The following WDR45B variants were observed in gnomAD, a reference collection of about 807,000 sequenced individuals.
WDR45B encodes the protein WD repeat domain 45B.
In WDR45B, 20 loss-of-function variants were observed where a neutral mutation model predicts 44.6. The ratio of observed to expected loss-of-function variants is 0.45; its 90% CI spans 0.32 to 0.65. The LOEUF (loss-of-function observed/expected upper bound fraction) is 0.65. Ranked by LOEUF, WDR45B falls within the 30% of genes least tolerant of loss-of-function variation. The pLI is 0.05. For missense variants in WDR45B, 323 were observed against 430.2 expected, an observed-to-expected ratio of 0.75 and a Z score of 2.20; for synonymous variants, 169 against 164.9, an observed-to-expected ratio of 1.02 and a Z score of -0.19.
At chr17:82,641,175 C>G (rs1487399147) in intron 2 of WDR45B, among the ~76,000 whole-genome samples, 3 of 152,098 alleles carry the variant, frequency 2.0e-5, no homozygotes, top group African/African-American at 7.2e-5. Context: ...CCGTGTTGCC[C>G]AGGCTGGTCT....
At chr17:82,644,247 G>A (rs1007298973) in intron 1 of WDR45B, 5 of 583,662 alleles carry the variant, frequency 8.6e-6, no homozygotes, top group Non-Finnish European at 1.5e-5. Flanking sequence ...TCTTGGAGTT[G>A]TTCACACAAC....
Position 82,629,061 on chromosome 17 carries a change from A to C in WDR45B, c.245-1770T>G, listed in dbSNP as rs1302238618. 3.3e-5 allele frequency among the ~76,000 whole-genome samples: 5 copies of C among 152,280 alleles called. No individual in the cohort carries two copies. The East Asian group carries it at 5.8e-4, about 18-fold the overall frequency. ...AAAAAGTACCTTTAAACGCTACAAA[A>C]AGTACATTTACTCAAAAACCTGCTG... On this transcript the variant is annotated intron_variant, in intron 3 of 9. Transcript: ENST00000392325.
At chr17:82,642,339 C>T (rs567292589) in intron 2 of WDR45B, among the ~76,000 whole-genome samples, 11 of 152,342 alleles carry the variant, frequency 7.2e-5, no homozygotes, top group African/African-American at 2.4e-4. Context: ...AGGCTGCACG[C>T]TCCTCCTGAG....
chr17:82,616,632 T>A lies in WDR45B; in HGVS notation c.820A>T (p.Ser274Cys). The change falls in exon 9 of 10, where the codon AGT becomes TGT. Residue 274 changes from serine to cysteine, a missense_variant. Physicochemically the swap from Ser to Cys is moderately radical, Grantham distance 112. Coordinates refer to ENST00000392325, the MANE Select transcript of WDR45B (RefSeq NM_019613.4). Reference sequence around the variant, plus strand: ...GAACTGAAGTATTTTGGAAGGAAACTGGCTGAGGCCAAACTGTGAAGACAA... The same window carrying A: ...GAACTGAAGTATTTTGGAAGGAAACAGGCTGAGGCCAAACTGTGAAGACAA... ...RNKQSSLASA[S>C]FLPKYFSSKW... is the part of the protein sequence containing the mutation. 1 of 1,614,178 alleles carries A rather than the reference T, an allele frequency of 6.2e-7. No individual in the cohort carries two copies. Among genetic ancestry groups the A allele is most frequent in the South Asian group, 1.1e-5 (1 of 91,078 alleles).
intron 2 of WDR45B, among the ~76,000 whole-genome samples, chr17:82,632,474 C>G (rs1289829012): frequency 6.6e-6 from 1 of 152,112 alleles, no homozygotes; most frequent in African/African-American, 2.4e-5. Context: ...GAAATGCTCC[C>G]AACTGTTCAT....
chr17:82,638,699 T>A (rs1184280594), intron 2 of WDR45B, among the ~76,000 whole-genome samples: 10 of 152,072 alleles, frequency 6.6e-5, no homozygotes, highest in Admixed American at 6.5e-4. Flanking sequence ...AGTCCCTGTT[T>A]CTCGTTCCTA....
rs1341887195 is a variant in WDR45B, at chr17:82,614,966, G to T, written c.*953C>A. ...CTTACAAATGAGGGGAGGGGAGACG[G>T]TGGACCTGGGGGCTCGGAGGCCAGA... On this transcript the variant is annotated 3_prime_UTR_variant, in exon 10 of 10. Transcript: ENST00000392325. The T allele has an allele frequency of 6.6e-6, 1 of 152,206 alleles. No individual in the cohort carries two copies. The highest frequency in any genetic ancestry group is 2.1e-4 in the South Asian group (1 of 4,832). 9.4% of individuals were successfully genotyped at this position (152,206 alleles called of 1,614,324 possible). A position where few individuals can be genotyped will look rare whatever the true frequency, so the allele number is the denominator to read the frequency against.
intron 2 of WDR45B, among the ~76,000 whole-genome samples, chr17:82,633,139 G>A (rs540725043): frequency 5.5e-5 from 8 of 146,668 alleles, no homozygotes; most frequent in Admixed American, 4.9e-4. Flanking sequence ...CTCCAGCCTG[G>A]GCGAAGGAGG....
Position 82,634,194 on chromosome 17 carries a change from A to G in WDR45B, c.143-3172T>C, listed in dbSNP as rs527445765. On this transcript the variant is annotated intron_variant, in intron 2 of 9. Coordinates refer to ENST00000392325, the MANE Select transcript of WDR45B (RefSeq NM_019613.4). ...AAAAAAGGCTGATTTTTATAAATCA[A>G]AAAGTTACCAAATGACCAGATGCAG... Among the ~76,000 whole-genome samples, 112 of 145,484 alleles carry G rather than the reference A, an allele frequency of 7.7e-4. 1 individual carries two copies. Among genetic ancestry groups the G allele is most frequent in the Admixed American group, 7.0e-4 (10 of 14,338 alleles).
At chr17:82,627,695 C>T (rs961246557) in intron 3 of WDR45B, among the ~76,000 whole-genome samples, 2 of 152,236 alleles carry the variant, frequency 1.3e-5, no homozygotes, top group East Asian at 1.9e-4. Flanking sequence ...TCTCTCAGTG[C>T]GCACAGCCCG....
intron 2 of WDR45B, among the ~76,000 whole-genome samples, chr17:82,637,082 CCTTA>C (rs1201924475): frequency 1.3e-5 from 2 of 151,958 alleles, no homozygotes; most frequent in Non-Finnish European, 2.9e-5. Flanking sequence ...AAGTAAATTG[CCTTA>C]CTGAGAGAAT....
intron 7 of WDR45B, among the ~76,000 whole-genome samples, chr17:82,618,322 T>C (rs1378077147): frequency 6.6e-6 from 1 of 152,230 alleles, no homozygotes; most frequent in Non-Finnish European, 1.5e-5. Flanking sequence ...CCACAGGGCA[T>C]GAGATGCTAC....
At chr17:82,620,434 A>AAAAAC (rs57027645) in intron 6 of WDR45B, among the ~76,000 whole-genome samples, 29,295 of 151,762 alleles carry the variant, frequency 0.19, 3,102 homozygotes, top group Middle Eastern at 0.26. Context: ...CTCAATCTCA[A>AAAAAC]AAAACAAAAC....
intron 2 of WDR45B, among the ~76,000 whole-genome samples, chr17:82,631,232 G>A (rs907685381): frequency 2.7e-5 from 4 of 149,844 alleles, no homozygotes; most frequent in African/African-American, 4.9e-5. Context: ...GGGCTCACAT[G>A]ATCCTCCTGC....
chr17:82,621,530 CTT>C (rs2045616685), intron 6 of WDR45B, 77 bp downstream of exon 6: 1 of 1,596,562 alleles, frequency 6.3e-7, no homozygotes, highest in African/African-American at 1.3e-5. Context: ...CCTTTTGAGT[CTT>C]GATACAGGGA....
chr17:82,625,305 A>T, intron 5 of WDR45B, 84 bp downstream of exon 5: 2 of 1,368,814 alleles, frequency 1.5e-6, no homozygotes, highest in Non-Finnish European at 2.1e-6. Flanking sequence ...TTGCTCAGAG[A>T]CCTGCTTGGA....
chr17:82,648,173 G>T, intron 1 of WDR45B, 101 bp downstream of exon 1: 1 of 1,367,708 alleles, frequency 7.3e-7, no homozygotes, highest in Non-Finnish European at 9.8e-7. Context: ...CCGGGTGGAA[G>T]GCCTGGCCGG....
chr17:82,636,966 G>T (rs2045840540), intron 2 of WDR45B, among the ~76,000 whole-genome samples: 1 of 151,912 alleles, frequency 6.6e-6, no homozygotes, highest in Non-Finnish European at 1.5e-5. Flanking sequence ...CAGCCCATAG[G>T]GGAGTGACAC....
chr17:82,648,278 G>A lies in WDR45B; in HGVS notation c.63C>T (p.Asp21=), dbSNP rs1397475207. Residue 21 remains aspartate (D), a synonymous_variant, in exon 1 of 10, where the codon GAC becomes GAT. Coordinates refer to ENST00000392325, the MANE Select transcript of WDR45B (RefSeq NM_019613.4). ...NGLLYAGFNQ[D]HGCFACGMEN... is the part of the protein sequence containing the mutation. ...GACAGGGCCGCGCCTCCTCACCGTG[G>A]TCCTGGTTGAAGCCGGCGTAGAGCA... The A allele has an allele frequency of 2.5e-6, 4 of 1,606,460 alleles. No homozygotes were observed. In the South Asian group the frequency reaches 4.4e-5, roughly 18 times the overall value.
Sources: allele counts gnomAD v4.1 joint callset (sites outside exome capture counted in the v4.1 genomes callset), GRCh38; gene constraint gnomAD v4.1.1; transcripts MANE v1.5; gene names NCBI Gene and HGNC (gene_info 2026-07-23, HGNC 2026-07-21).